Variants in SGCE observed in about 807,000 individuals in gnomAD.
The protein encoded by SGCE is sarcoglycan epsilon, also known as epsilon-sarcoglycan.
In SGCE, 26 loss-of-function variants were observed where a neutral mutation model predicts 57.8. The ratio of observed to expected loss-of-function variants is 0.45; its 90% confidence interval spans 0.33 to 0.62. The LOEUF is 0.62. Ranked by LOEUF, SGCE falls within the 20% of genes least tolerant of loss-of-function variation. The pLI is 0.02. For missense variants in SGCE, 468 were observed against 548.6 expected, an observed-to-expected ratio of 0.85 and a Z score of 1.47; for synonymous variants, 183 against 189.5, an observed-to-expected ratio of 0.97 and a Z score of 0.28.
chr7:94,642,479 C>T (rs1428194572), intron 1 of SGCE, among the ~76,000 whole-genome samples: 1 of 152,002 alleles, frequency 6.6e-6, no homozygotes, highest in Non-Finnish European at 1.5e-5. Context: ...TCACATGTAC[C>T]CCCAAAATAT....
rs1297003434 is a variant in SGCE, at chr7:94,592,874, G to T, written c.1254-4142C>A. Among the ~76,000 whole-genome samples the T allele has an allele frequency of 4.6e-5, 7 of 152,052 alleles. No individual in the cohort carries two copies. The East Asian group carries it at 1.3e-3, about 29-fold the overall frequency. Reference sequence around the variant, plus strand: ...GAGTTCAAAGAAAATGACACTAGTTGTGTGAAATACAAAACATTTCACTTT... The same window carrying T: ...GAGTTCAAAGAAAATGACACTAGTTTTGTGAAATACAAAACATTTCACTTT... On this transcript the variant is annotated intron_variant, in intron 9 of 10. Coordinates refer to ENST00000648936, the MANE Select transcript of SGCE (RefSeq NM_003919.3).
At chr7:94,587,476 C>A (rs1370658595) in intron 10 of SGCE, 1 of 1,254,864 alleles carries the variant, frequency 8.0e-7, no homozygotes, top group African/African-American at 1.6e-5. Flanking sequence ...CGAAGAAGTT[C>A]TATCATTTCT....
At position 94,628,358 on chromosome 7, in the gene SGCE, G is replaced by C. The variant is rs768766085; in HGVS notation, c.234C>G (p.Gly78=). The change falls in exon 3 of 11, where the codon GGC becomes GGG. Residue 78 remains glycine, a splice_region_variant and synonymous_variant. Transcript: ENST00000648936. The stretch of plus-strand genomic sequence containing the variant: ...ATGTTATGGGATCATTACTAATCTC[G>C]CCTAGATAAGAAACAGAGAATTAAG... ...KGEFPPYPKP[G]EISNDPITFN... The C allele has an allele frequency of 6.2e-7, 1 of 1,604,806 alleles. No homozygotes were observed. Among genetic ancestry groups the C allele is most frequent in the Non-Finnish European group, 8.5e-7 (1 of 1,172,980 alleles).
At chr7:94,593,681 T>C (rs1181927113) in intron 9 of SGCE, among the ~76,000 whole-genome samples, 2 of 151,902 alleles carry the variant, frequency 1.3e-5, no homozygotes, top group African/African-American at 4.8e-5. Flanking sequence ...TTTAAGGAGG[T>C]ATGGAAGAGT....
intron 1 of SGCE, chr7:94,639,531 T>A: frequency 1.3e-6 from 1 of 793,838 alleles, no homozygotes; most frequent in Non-Finnish European, 2.0e-6. Flanking sequence ...CACCTACAAT[T>A]AACTGGGATC....
chr7:94,604,372 C>G (rs561227553), intron 5 of SGCE, among the ~76,000 whole-genome samples: 2 of 151,580 alleles, frequency 1.3e-5, no homozygotes, highest in Non-Finnish European at 2.9e-5. Flanking sequence ...ACTAACTGAT[C>G]CTAAAATTCC....
intron 5 of SGCE, among the ~76,000 whole-genome samples, chr7:94,613,800 G>A (rs978627500): frequency 1.3e-5 from 2 of 152,138 alleles, no homozygotes; most frequent in African/African-American, 2.4e-5. Context: ...AGAAGAATAT[G>A]TCCATATATG....
At chr7:94,611,047 G>A (rs1273141120) in intron 5 of SGCE, among the ~76,000 whole-genome samples, 2 of 152,164 alleles carry the variant, frequency 1.3e-5, no homozygotes, top group African/African-American at 4.8e-5. Flanking sequence ...TATTTTGCTG[G>A]TGGAAATGTA....
intron 10 of SGCE, chr7:94,587,350 A>T (rs889201661): frequency 2.9e-6 from 3 of 1,021,844 alleles, no homozygotes. Context: ...AAATACTCAA[A>T]ATAAATATTT....
chr7:94,604,823 AT>A lies in SGCE; in HGVS notation c.663-1372del, dbSNP rs375238761. On this transcript the variant is annotated intron_variant, in intron 5 of 10. Coordinates refer to ENST00000648936, the MANE Select transcript of SGCE (RefSeq NM_003919.3). ...GGTGCTGGAATATATATATATATAT[AT>A]ATATATATATATATATATATATATA... Among the ~76,000 whole-genome samples the A allele has an allele frequency of 2.3e-3, 114 of 49,956 alleles. 10 individuals carry two copies. The East Asian group carries it at 0.063, about 28-fold the overall frequency. 32.8% of individuals were successfully genotyped at this position (49,956 alleles called of 152,430 possible). A position where few individuals can be genotyped will look rare whatever the true frequency, so the allele number is the denominator to read the frequency against.
At position 94,639,472 on chromosome 7, in the gene SGCE, C is replaced by A. The variant is rs536984463; in HGVS notation, c.110-9631G>T. 425 of 1,367,904 alleles carry A rather than the reference C, an allele frequency of 3.1e-4. 1 individual carries two copies. The African/African-American group carries it at 5.2e-3, about 17-fold the overall frequency. The allele number at this position is 1,367,904 out of a possible 1,614,324, so 84.7% of individuals were successfully genotyped here. ...AGCTTTTCAGAATAAAACAAATGTA[C>A]AAAAAAATGAAATTAATGTCATGAT... is the stretch of plus-strand genomic sequence containing the variant. On this transcript the variant is annotated intron_variant, in intron 1 of 10. Transcript: ENST00000648936.
intron 1 of SGCE, among the ~76,000 whole-genome samples, chr7:94,634,235 C>T (rs1372835763): frequency 6.6e-6 from 1 of 152,004 alleles, no homozygotes; most frequent in Non-Finnish European, 1.5e-5. Flanking sequence ...CTCAGTTTAC[C>T]AGAACCACAT....
chr7:94,604,934 A>C (rs1237022494), intron 5 of SGCE, among the ~76,000 whole-genome samples: 1 of 148,190 alleles, frequency 6.7e-6, no homozygotes. Flanking sequence ...GGCAAATGAG[A>C]AGCATATGTG....
intron 1 of SGCE, among the ~76,000 whole-genome samples, chr7:94,640,445 G>A (rs779203201): frequency 1.6e-4 from 25 of 152,062 alleles, no homozygotes; most frequent in Admixed American, 2.0e-4. Flanking sequence ...CATCCAAACT[G>A]CCAATCTGCT....
chr7:94,645,423 C>G (rs1253046192), intron 1 of SGCE, among the ~76,000 whole-genome samples: 1 of 152,008 alleles, frequency 6.6e-6, no homozygotes, highest in African/African-American at 2.4e-5. Flanking sequence ...AGTTTTGGAA[C>G]CTATGGGGAA....
chr7:94,636,734 CAGA>C, intron 1 of SGCE, among the ~76,000 whole-genome samples: 1 of 152,284 alleles, frequency 6.6e-6, no homozygotes, highest in South Asian at 2.1e-4. Context: ...ATCCTATTTA[CAGA>C]AGAAGTACCA....
chr7:94,587,094 C>T lies in SGCE; in HGVS notation c.1298-1579G>A, dbSNP rs1296017765. 5.1e-6 allele frequency: 5 copies of T among 984,636 alleles called. No homozygotes were observed. The East Asian group carries it at 4.5e-4, about 89-fold the overall frequency. The allele number at this position is 984,636 out of a possible 1,614,324, so 61.0% of individuals were successfully genotyped here. A position where few individuals can be genotyped will look rare whatever the true frequency, so the allele number is the denominator to read the frequency against. ...AATACCTGCTCCCTAAAATCTGTTT[C>T]AGAAAAATAATTTTATAAATTAGGT... On this transcript the variant is annotated intron_variant, in intron 10 of 10. Coordinates refer to ENST00000648936, the MANE Select transcript of SGCE (RefSeq NM_003919.3).
intron 1 of SGCE, among the ~76,000 whole-genome samples, chr7:94,641,992 T>C (rs1806454254): frequency 6.6e-6 from 1 of 152,108 alleles, no homozygotes; most frequent in Non-Finnish European, 1.5e-5. Flanking sequence ...TGTATGCTTG[T>C]ATCAAAATGT....
At chr7:94,623,135 C>G (rs955402765) in intron 4 of SGCE, among the ~76,000 whole-genome samples, 190 bp downstream of exon 4, 2 of 152,062 alleles carry the variant, frequency 1.3e-5, no homozygotes, top group African/African-American at 2.4e-5. Context: ...TGAGTTTTCA[C>G]CATCATAACA....
Sources: gnomAD v4.1 joint callset for allele counts (sites outside exome capture counted in the v4.1 genomes callset) on GRCh38, gnomAD v4.1.1 for gene constraint, MANE v1.5 for transcripts, NCBI Gene and HGNC (gene_info 2026-07-23, HGNC 2026-07-21) for gene names.